The following SDK1 variants were observed in gnomAD, a reference collection of about 807,000 sequenced individuals.
The protein encoded by SDK1 is sidekick cell adhesion molecule 1.
A neutral mutation model predicts 245.5 loss-of-function variants in SDK1; 157 were observed. The observed-to-expected ratio is 0.64, with a 90% CI of 0.56 to 0.73. The LOEUF (loss-of-function observed/expected upper bound fraction) is 0.73. SDK1 is among the 30% of genes least tolerant of loss of function. The pLI, the probability that SDK1 is intolerant of heterozygous loss-of-function variation, is 0.00. For missense variants in SDK1, 3,583 were observed against 3,002.3 expected, an observed-to-expected ratio of 1.19 and a Z score of -4.52; for synonymous variants, 1,647 against 1,278.5, an observed-to-expected ratio of 1.29 and a Z score of -6.15.
At chr7:3,948,178 C>G (rs568902294) in intron 5 of SDK1, among the ~76,000 whole-genome samples, 39 of 151,330 alleles carry the variant, frequency 2.6e-4, no homozygotes, top group African/African-American at 8.2e-4. Context: ...ACCTATATAA[C>G]CTTGACCTTG....
At chr7:3,629,101 G>C (rs1353385013) in intron 2 of SDK1, among the ~76,000 whole-genome samples, 1 of 151,168 alleles carries the variant, frequency 6.6e-6, no homozygotes, top group African/African-American at 2.4e-5. Flanking sequence ...GACCATCCTG[G>C]CTAACATGGT....
At chr7:3,675,509 A>G (rs1247715620) in intron 4 of SDK1, among the ~76,000 whole-genome samples, 5 of 152,140 alleles carry the variant, frequency 3.3e-5, no homozygotes, top group Non-Finnish European at 7.4e-5. Context: ...GTGGCCTACA[A>G]AAGTCTACAT....
chr7:3,703,602 C>A (rs767411925), intron 4 of SDK1, among the ~76,000 whole-genome samples: 5 of 152,138 alleles, frequency 3.3e-5, no homozygotes, highest in Non-Finnish European at 7.3e-5. Flanking sequence ...GCACTAATTT[C>A]AATTTCCTGA....
chr7:4,100,867 G>A (rs956393908), intron 22 of SDK1, among the ~76,000 whole-genome samples: 1 of 152,140 alleles, frequency 6.6e-6, no homozygotes, highest in Admixed American at 6.5e-5. Context: ...GATGAGCTGG[G>A]GGCCTGTGGG....
intron 43 of SDK1, among the ~76,000 whole-genome samples, chr7:4,244,007 A>G (rs1393546610): frequency 6.6e-6 from 1 of 152,178 alleles, no homozygotes; most frequent in East Asian, 1.9e-4. Context: ...AAGAAATGGC[A>G]TCTTTCCCAA....
At chr7:4,094,339 G>T (rs1782002497) in intron 22 of SDK1, among the ~76,000 whole-genome samples, 1 of 152,178 alleles carries the variant, frequency 6.6e-6, no homozygotes, top group Non-Finnish European at 1.5e-5. Flanking sequence ...TGGTATTATA[G>T]GTGTGAGCCA....
At chr7:3,431,625 C>G (rs1306314119) in intron 1 of SDK1, among the ~76,000 whole-genome samples, 1 of 152,052 alleles carries the variant, frequency 6.6e-6, no homozygotes, top group African/African-American at 2.4e-5. Flanking sequence ...TTGTGGTAAT[C>G]TTTTATTGTA....
chr7:3,540,544 A>C (rs949649479), intron 1 of SDK1, among the ~76,000 whole-genome samples: 1 of 150,980 alleles, frequency 6.6e-6, no homozygotes, highest in African/African-American at 2.5e-5. Context: ...TCTAAGAAGA[A>C]GACTTTAAGG....
chr7:3,619,534 T>C (rs984104717), intron 2 of SDK1, among the ~76,000 whole-genome samples: 1 of 152,238 alleles, frequency 6.6e-6, no homozygotes, highest in Non-Finnish European at 1.5e-5. Flanking sequence ...TTTGGTATGA[T>C]ACATTTACTT....
chr7:3,696,354 G>A (rs1428552305), intron 4 of SDK1, among the ~76,000 whole-genome samples: 1 of 152,030 alleles, frequency 6.6e-6, no homozygotes, highest in Non-Finnish European at 1.5e-5. Context: ...GCTGTGCCCT[G>A]ACGTCCAAGG....
chr7:3,516,624 T>G (rs1403243944), intron 1 of SDK1, among the ~76,000 whole-genome samples: 1 of 152,206 alleles, frequency 6.6e-6, no homozygotes. Flanking sequence ...AACAGTATTT[T>G]CACAAAATGC....
At chr7:3,492,871 G>A (rs1454614895) in intron 1 of SDK1, among the ~76,000 whole-genome samples, 1 of 152,200 alleles carries the variant, frequency 6.6e-6, no homozygotes, top group Non-Finnish European at 1.5e-5. Context: ...ATAAAGATAA[G>A]AAAACACTAG....
At chr7:3,492,000 C>T (rs528401885) in intron 1 of SDK1, among the ~76,000 whole-genome samples, 3 of 152,286 alleles carry the variant, frequency 2.0e-5, no homozygotes, top group South Asian at 2.1e-4. Flanking sequence ...GAACACATTA[C>T]GTTTTCTTCC....
intron 1 of SDK1, among the ~76,000 whole-genome samples, chr7:3,573,816 C>T (rs947978456): frequency 6.6e-6 from 1 of 151,736 alleles, no homozygotes; most frequent in South Asian, 2.1e-4. Flanking sequence ...CCTTGAAGCC[C>T]CCTGCTGTTC....
intron 40 of SDK1, among the ~76,000 whole-genome samples, chr7:4,225,372 A>G (rs1171703627): frequency 6.6e-6 from 1 of 152,202 alleles, no homozygotes; most frequent in Non-Finnish European, 1.5e-5. Flanking sequence ...TGCTCGGACA[A>G]GCACACCAAT....
intron 20 of SDK1, among the ~76,000 whole-genome samples, chr7:4,075,592 T>C (rs1268609083): frequency 6.6e-6 from 1 of 152,078 alleles, no homozygotes; most frequent in Non-Finnish European, 1.5e-5. Flanking sequence ...AAGTGCTCTC[T>C]GATCACATTA....
At position 3,348,761 on chromosome 7, in the gene SDK1, T is replaced by C. The variant is rs561292495; in HGVS notation, c.298+46877T>C. Among the ~76,000 whole-genome samples the C allele has an allele frequency of 4.8e-4, 73 of 152,300 alleles. 1 individual carries two copies. In the South Asian group the frequency reaches 0.011, roughly 23 times the overall value. On this transcript the variant is annotated intron_variant, in intron 1 of 44. Transcript: ENST00000404826. Reference sequence around the variant, plus strand: ...TTTTAAATACTCATTTGGAGGACTTTCTGAGCTGATCAAGTGAAATAAAAT... The same window carrying C: ...TTTTAAATACTCATTTGGAGGACTTCCTGAGCTGATCAAGTGAAATAAAAT...
chr7:3,535,120 C>G (rs187795973), intron 1 of SDK1, among the ~76,000 whole-genome samples: 2 of 152,084 alleles, frequency 1.3e-5, no homozygotes, highest in African/African-American at 2.4e-5. Context: ...CTTAAAAATA[C>G]AAAAAATTAG....
At chr7:4,131,370 C>T (rs759079818) in intron 27 of SDK1, among the ~76,000 whole-genome samples, 30 of 152,192 alleles carry the variant, frequency 2.0e-4, no homozygotes, top group African/African-American at 7.0e-4. Flanking sequence ...CTGAAGTCAG[C>T]GTTTGCGTAT....
Sources: gnomAD v4.1 joint callset for allele counts (sites outside exome capture counted in the v4.1 genomes callset) on GRCh38, gnomAD v4.1.1 for gene constraint, MANE v1.5 for transcripts, NCBI Gene and HGNC (gene_info 2026-07-23, HGNC 2026-07-21) for gene names.